Variants in GPC5 observed in about 807,000 individuals in gnomAD.
The protein encoded by GPC5 is glypican-5.
GPC5 carries 47 observed loss-of-function variants against 53.9 expected under a neutral mutation model. That is an observed-to-expected ratio of 0.87 (90% confidence interval 0.69 to 1.11). GPC5 has a LOEUF of 1.11. GPC5 is among the 50% of genes most tolerant of loss of function. The pLI, the probability that GPC5 is intolerant of heterozygous loss-of-function variation, is 0.00. For synonymous variants in GPC5, 286 were observed against 263.3 expected (o/e 1.09, Z -0.84); for missense variants, 748 against 713.1 (o/e 1.05, Z -0.56).
intron 7 of GPC5, chr13:92,658,892 T>C (rs575861953): frequency 7.6e-4 from 115 of 151,234 alleles, no homozygotes; most frequent in African/African-American, 2.8e-3. Flanking sequence ...TTTACTGAGA[T>C]ATAATTGACA....
At chr13:92,177,946 T>C (rs1566471665) in intron 7 of GPC5, among the ~76,000 whole-genome samples, 1 of 152,200 alleles carries the variant, frequency 6.6e-6, no homozygotes, top group East Asian at 1.9e-4. Flanking sequence ...CATTTGCTAA[T>C]GAAGGGGAAG....
intron 7 of GPC5, among the ~76,000 whole-genome samples, chr13:92,530,076 C>G (rs1306531960): frequency 6.6e-6 from 1 of 152,134 alleles, no homozygotes; most frequent in African/African-American, 2.4e-5. Flanking sequence ...GAGCAAAACC[C>G]TGTCTCACAA....
chr13:92,626,698 C>T (rs1885057263), intron 7 of GPC5, among the ~76,000 whole-genome samples: 1 of 152,110 alleles, frequency 6.6e-6, no homozygotes, highest in Admixed American at 6.5e-5. Context: ...CTTAGAAGTT[C>T]TGTCATGTAA....
At chr13:91,626,767 C>G (rs945362331) in intron 2 of GPC5, among the ~76,000 whole-genome samples, 7 of 151,774 alleles carry the variant, frequency 4.6e-5, no homozygotes, top group Non-Finnish European at 8.8e-5. Context: ...TGTGCTGCAC[C>G]CATTAACTCG....
At chr13:91,615,605 C>G (rs930818940) in intron 2 of GPC5, among the ~76,000 whole-genome samples, 2 of 152,066 alleles carry the variant, frequency 1.3e-5, no homozygotes, top group East Asian at 3.9e-4. Flanking sequence ...AGTTACCATA[C>G]GTTTGGAGAG....
chr13:92,182,748 A>T (rs2042156037), intron 7 of GPC5, among the ~76,000 whole-genome samples: 1 of 152,084 alleles, frequency 6.6e-6, no homozygotes, highest in Admixed American at 6.6e-5. Flanking sequence ...GGGCGCCTGC[A>T]GTCCCAGCTT....
intron 7 of GPC5, among the ~76,000 whole-genome samples, chr13:92,759,506 T>A (rs559954934): frequency 4.3e-4 from 66 of 152,202 alleles, no homozygotes; most frequent in African/African-American, 1.4e-3. Flanking sequence ...TCTTGATTTG[T>A]TTTTGGCTAG....
chr13:91,426,491 C>T (rs1385963803), intron 1 of GPC5, among the ~76,000 whole-genome samples: 2 of 152,192 alleles, frequency 1.3e-5, no homozygotes, highest in African/African-American at 2.4e-5. Context: ...CATCTGCAAA[C>T]TGAGGAGCCA....
At chr13:91,975,262 T>A (rs1394913960) in intron 6 of GPC5, among the ~76,000 whole-genome samples, 2 of 151,974 alleles carry the variant, frequency 1.3e-5, no homozygotes, top group African/African-American at 4.8e-5. Context: ...AAGCCAAAAT[T>A]GACAAATGGG....
intron 7 of GPC5, among the ~76,000 whole-genome samples, chr13:92,736,141 G>C (rs1594465429): frequency 6.6e-6 from 1 of 151,908 alleles, no homozygotes; most frequent in Admixed American, 6.6e-5. Flanking sequence ...TGAACAAATT[G>C]TATTTTCAGT....
intron 7 of GPC5, among the ~76,000 whole-genome samples, chr13:92,752,676 G>A (rs543808884): frequency 2.0e-5 from 3 of 152,294 alleles, no homozygotes; most frequent in South Asian, 4.1e-4. Flanking sequence ...GCCTCATTCG[G>A]GAAGCGCAAG....
At chr13:92,382,733 G>T (rs900627782) in intron 7 of GPC5, among the ~76,000 whole-genome samples, 8 of 152,022 alleles carry the variant, frequency 5.3e-5, no homozygotes, top group Non-Finnish European at 1.0e-4. Flanking sequence ...CATTATGGCC[G>T]GGCGCGGTGG....
intron 7 of GPC5, among the ~76,000 whole-genome samples, chr13:92,640,316 G>A (rs1216507001): frequency 6.6e-6 from 1 of 152,054 alleles, no homozygotes; most frequent in Non-Finnish European, 1.5e-5. Context: ...CTGGAGTGTA[G>A]TGGCGCGATC....
chr13:91,510,457 C>T (rs1461187312), intron 2 of GPC5, among the ~76,000 whole-genome samples: 1 of 152,174 alleles, frequency 6.6e-6, no homozygotes, highest in African/African-American at 2.4e-5. Context: ...CACTGATAAC[C>T]ATAATGCCAG....
rs375050280 is a variant in GPC5, at chr13:91,884,191, G to T, written c.1281-23746G>T. ...GACCACTGTGGAAGACAGTGTGGTG[G>T]TTCATCAAAGACCTAAAAAGAGAAC... On this transcript the variant is annotated intron_variant, in intron 5 of 7. Coordinates refer to ENST00000377067, the MANE Select transcript of GPC5 (RefSeq NM_004466.6). 4.6e-5 allele frequency among the ~76,000 whole-genome samples: 7 copies of T among 152,220 alleles called. No individual in the cohort carries two copies. In the East Asian group the frequency reaches 9.7e-4, roughly 21 times the overall value.
At chr13:91,679,291 T>C (rs1179528835) in intron 2 of GPC5, among the ~76,000 whole-genome samples, 1 of 152,174 alleles carries the variant, frequency 6.6e-6, no homozygotes, top group Non-Finnish European at 1.5e-5. Context: ...TCACTGGACG[T>C]GGGCAATAAA....
At chr13:92,041,589 C>T (rs1287161963) in intron 6 of GPC5, among the ~76,000 whole-genome samples, 1 of 152,188 alleles carries the variant, frequency 6.6e-6, no homozygotes, top group Non-Finnish European at 1.5e-5. Context: ...GCCTGCCCCC[C>T]TAAAGCTGTG....
intron 7 of GPC5, among the ~76,000 whole-genome samples, chr13:92,167,569 T>A (rs532866943): frequency 6.6e-6 from 1 of 152,260 alleles, no homozygotes; most frequent in South Asian, 2.1e-4. Context: ...GTAAAATAAA[T>A]GGTTTTAAAA....
intron 2 of GPC5, among the ~76,000 whole-genome samples, chr13:91,590,536 GAA>G (rs2032759473): frequency 6.6e-6 from 1 of 152,000 alleles, no homozygotes; most frequent in Non-Finnish European, 1.5e-5. Flanking sequence ...CCTTTACCCA[GAA>G]ATAAATTATC....
Sources: gnomAD v4.1 joint callset for allele counts (sites outside exome capture counted in the v4.1 genomes callset) on GRCh38, gnomAD v4.1.1 for gene constraint, MANE v1.5 for transcripts, NCBI Gene and HGNC (gene_info 2026-07-23, HGNC 2026-07-21) for gene names.